The following DNAH3 variants were observed in gnomAD, a reference collection of about 807,000 sequenced individuals.
The protein encoded by DNAH3 is axonemal beta dynein heavy chain 3.
Under a neutral mutation model 432.5 loss-of-function variants are expected in DNAH3, and 332 were observed. The ratio of observed to expected loss-of-function variants is 0.77; its 90% confidence interval spans 0.70 to 0.84. The LOEUF (loss-of-function observed/expected upper bound fraction) is 0.84, where lower values mean the gene tolerates loss of function less well. Ranked by LOEUF, DNAH3 falls within the 40% of genes least tolerant of loss-of-function variation. The pLI is 0.00. For missense variants in DNAH3, 4,861 were observed against 5,114.0 expected (o/e 0.95, Z 1.51); for synonymous variants, 1,956 against 1,900.2 (o/e 1.03, Z -0.76).
chr16:21,009,805 A>C (rs1260790747), intron 41 of DNAH3, among the ~76,000 whole-genome samples: 1 of 151,892 alleles, frequency 6.6e-6, no homozygotes, highest in Non-Finnish European at 1.5e-5. Context: ...GGCCTGGGGC[A>C]CTAAGACTGC....
intron 24 of DNAH3, 55 bp downstream of exon 24, chr16:21,067,228 C>T (rs2090584910): frequency 6.3e-7 from 1 of 1,598,250 alleles, no homozygotes; most frequent in African/African-American, 1.3e-5. Context: ...AAATGTAATT[C>T]TACCTACATA....
intron 57 of DNAH3, among the ~76,000 whole-genome samples, chr16:20,946,699 G>C (rs903308911): frequency 3.0e-4 from 45 of 152,080 alleles, no homozygotes; most frequent in African/African-American, 1.1e-3. Context: ...TATAATGTTG[G>C]GTGTGTTAGG....
chr16:21,125,527 C>T (rs2092430862), intron 8 of DNAH3, among the ~76,000 whole-genome samples, 157 bp from the exon 10 acceptor site: 1 of 152,214 alleles, frequency 6.6e-6, no homozygotes, highest in Non-Finnish European at 1.5e-5. Flanking sequence ...ACCTTACCTG[C>T]CATGCCTCTT....
intron 1 of DNAH3, among the ~76,000 whole-genome samples, chr16:21,146,500 G>A (rs949835298): frequency 1.3e-5 from 2 of 152,174 alleles, no homozygotes; most frequent in Non-Finnish European, 2.9e-5. Flanking sequence ...AGGTTGCGGT[G>A]AGCTGAGATT....
intron 15 of DNAH3, chr16:21,104,557 C>CA (rs752654505): frequency 1.2e-6 from 2 of 1,613,470 alleles, no homozygotes; most frequent in Admixed American, 3.3e-5. Flanking sequence ...TCTGGTCTGG[C>CA]CAGAGGAACA....
chr16:21,099,999 A>G (rs967075874), intron 16 of DNAH3, among the ~76,000 whole-genome samples: 1 of 152,242 alleles, frequency 6.6e-6, no homozygotes. Flanking sequence ...AAATTTGGTT[A>G]TCCTAAGAAT....
chr16:21,087,876 C>G (rs2091426713), intron 18 of DNAH3, among the ~76,000 whole-genome samples: 1 of 152,108 alleles, frequency 6.6e-6, no homozygotes, highest in Non-Finnish European at 1.5e-5. Context: ...CCAGCCTGGA[C>G]AACAGAGTGA....
At chr16:21,057,815 C>G (rs1032862373) in intron 27 of DNAH3, among the ~76,000 whole-genome samples, 19 of 152,064 alleles carry the variant, frequency 1.2e-4, no homozygotes, top group African/African-American at 4.3e-4. Flanking sequence ...GCCAGGTTAG[C>G]CCCCAGAAGC....
At chr16:21,106,267 A>G (rs994359255) in intron 15 of DNAH3, among the ~76,000 whole-genome samples, 1 of 151,950 alleles carries the variant, frequency 6.6e-6, no homozygotes, top group Non-Finnish European at 1.5e-5. Context: ...TGTGATTCAA[A>G]TTACTGTGGA....
intron 36 of DNAH3, among the ~76,000 whole-genome samples, chr16:21,033,624 T>C (rs747478885): frequency 2.0e-5 from 3 of 151,982 alleles, no homozygotes; most frequent in Non-Finnish European, 2.9e-5. Flanking sequence ...AAGAAGAGAA[T>C]AGAAGCAAAG....
chr16:20,933,766 C>T (rs1218237274), intron 61 of DNAH3, among the ~76,000 whole-genome samples: 1 of 152,238 alleles, frequency 6.6e-6, no homozygotes, highest in Non-Finnish European at 1.5e-5. Flanking sequence ...TATTCTAACA[C>T]ATTACCTCTA....
At chr16:20,969,131 T>C (rs559747902) in intron 52 of DNAH3, among the ~76,000 whole-genome samples, 7 of 151,714 alleles carry the variant, frequency 4.6e-5, no homozygotes, top group Admixed American at 4.0e-4. Flanking sequence ...TTTCCCTGTC[T>C]CTTTCTCCCG....
chr16:21,045,898 G>T (rs1299028380), intron 31 of DNAH3, among the ~76,000 whole-genome samples: 3 of 135,432 alleles, frequency 2.2e-5, no homozygotes, highest in Non-Finnish European at 4.7e-5. Flanking sequence ...TGGTTTCAAA[G>T]AACATCTTTA....
rs1173010499 is a variant in DNAH3, at chr16:20,975,397, C to G, written c.8095G>C (p.Glu2699Gln). The change falls in exon 51 of 62, where the codon GAA becomes CAA. Residue 2699 changes from glutamate (E) to glutamine (Q), a missense_variant. Glu to Gln is a conservative substitution (Grantham distance 29). Transcript: ENST00000261383. ...AGTTGAGGTTGAAGAGCTGTCAGTT[C>G]TCTTTGCATAACCGCTACCTAGCAA... 9 of 1,614,098 alleles carry G rather than the reference C, an allele frequency of 5.6e-6. No individual in the cohort carries two copies. The highest frequency in any genetic ancestry group is 7.6e-6 in the Non-Finnish European group (9 of 1,180,014).
chr16:20,975,033 G>A (rs1160316653), intron 51 of DNAH3, among the ~76,000 whole-genome samples, 200 bp downstream of exon 51: 2 of 118,082 alleles, frequency 1.7e-5, no homozygotes, highest in Non-Finnish European at 3.5e-5. Context: ...GTTTCTTTAT[G>A]TTGGTCAGGC....
At chr16:21,102,545 T>A (rs528910078) in intron 16 of DNAH3, among the ~76,000 whole-genome samples, 119 of 152,258 alleles carry the variant, frequency 7.8e-4, no homozygotes, top group African/African-American at 2.8e-3. Flanking sequence ...TTCAGCACCA[T>A]GAGAGAGGGT....
At chr16:20,987,989 C>T (rs267604449) in exon 45 of DNAH3, 20 of 1,614,026 alleles carry the variant, frequency 1.2e-5, no homozygotes, top group East Asian at 4.5e-5. Context: ...AGTCAACAAT[C>T]GAACTGAAAA....
rs149674435 is a variant in DNAH3, at chr16:20,985,227, G to C, written c.7515C>G (p.Ile2505Met). ...CGTCACCTGTGTTCAGAAGCATGTTGATGTCCTCCACGAATGATTCATCCT... is the reference window on the plus strand; with the variant it reads ...CGTCACCTGTGTTCAGAAGCATGTTCATGTCCTCCACGAATGATTCATCCT... Residue 2505 changes from isoleucine (I) to methionine (M), a missense_variant, in exon 48 of 62, where the codon ATC becomes ATG. Coordinates refer to ENST00000261383, the Ensembl canonical transcript of DNAH3. 5.6e-6 allele frequency: 9 copies of C among 1,614,182 alleles called. No homozygotes were observed. In the African/African-American group the frequency reaches 1.2e-4, roughly 22 times the overall value.
At chr16:21,030,163 T>C (rs1257406560) in intron 37 of DNAH3, among the ~76,000 whole-genome samples, 2 of 152,148 alleles carry the variant, frequency 1.3e-5, no homozygotes, top group African/African-American at 4.8e-5. Context: ...TCTGCCTCCA[T>C]CAAGAGGTGA....
Sources: gnomAD v4.1 joint callset for allele counts (sites outside exome capture counted in the v4.1 genomes callset) on GRCh38, gnomAD v4.1.1 for gene constraint, MANE v1.5 for transcripts, NCBI Gene and HGNC (gene_info 2026-07-23, HGNC 2026-07-21) for gene names.